The following KCNMB3 variants were observed in gnomAD, a reference collection of about 807,000 sequenced individuals.
The protein encoded by KCNMB3 is calcium-activated potassium channel subunit beta-3.
Under a neutral mutation model 11.9 loss-of-function variants are expected in KCNMB3, and 18 were observed. The ratio of observed to expected loss-of-function variants is 1.51; its 90% CI spans 1.04 to 2.23. The LOEUF is 2.23. KCNMB3 is among the 30% of genes most tolerant of loss of function. The probability of loss-of-function intolerance (pLI) is 0.00; values close to 1 mark genes in which losing one functional copy is unlikely to be tolerated. For synonymous variants in KCNMB3, 78 were observed against 119.2 expected, an observed-to-expected ratio of 0.65 and a Z score of 2.25; for missense variants, 247 against 329.4, an observed-to-expected ratio of 0.75 and a Z score of 1.94.
chr3:179,250,714 ACT>A (rs1387555829), intron 1 of KCNMB3, 27 bp downstream of exon 1: 1 of 1,609,870 alleles, frequency 6.2e-7, no homozygotes, highest in African/African-American at 1.3e-5. Flanking sequence ...TGAATTGGAA[ACT>A]CTAGATTTCC....
chr3:179,259,914 T>C (rs559983526), intron 1 of KCNMB3: 445 of 1,613,572 alleles, frequency 2.8e-4, no homozygotes, highest in Middle Eastern at 1.5e-3. Context: ...TGGTTTCTCA[T>C]CCCTTAATCC....
rs987403370 is a variant in KCNMB3 at position 179,266,565 on chromosome 3, C to T, written c.62+84G>A. 7.2e-6 allele frequency: 11 copies of T among 1,526,894 alleles called. No homozygotes were observed. In the African/African-American group the frequency reaches 1.1e-4, roughly 15 times the overall value. 94.6% of individuals were successfully genotyped at this position (1,526,894 alleles called of 1,614,324 possible). ...TCAGAGAAAAAGGAAACACTCACTC[C>T]CCAAGCTCGAGATGTCCCCTCTTCT... On this transcript the variant is annotated intron_variant, in intron 1 of 3. Coordinates refer to the KCNMB3 transcript ENST00000349697.
Position 179,250,808 on chromosome 3 carries a change from C to T in KCNMB3, c.183G>A (p.Met61Ile). ...EDRAVMLGFA[M>I]MGFSVLMFFL... ...AGAACATTAGGACTGAGAAGCCCAT[C>T]ATGGCAAACCCCAGCATCACGGCTC... The change falls in exon 1 of 3, where the codon ATG becomes ATA. Residue 61 changes from methionine to isoleucine, a missense_variant. By Grantham distance (10) the Met-to-Ile change is conservative. This residue lies in a region of KCNMB3 where 160 missense variants were observed against 157.5 expected (regional missense o/e 1.02). Transcript: ENST00000392685. The T allele has an allele frequency of 1.9e-6, 3 of 1,614,198 alleles. No homozygotes were observed. The highest frequency in any genetic ancestry group is 1.3e-5 in the African/African-American group (1 of 75,046).
At chr3:179,266,785 A>G in exon 1 of KCNMB3, 1 of 1,582,540 alleles carries the variant, frequency 6.3e-7, no homozygotes, top group South Asian at 1.1e-5. Context: ...GGTGAAGCTT[A>G]GACATCCACG....
At chr3:179,250,647 C>T in intron 1 of KCNMB3, 96 bp downstream of exon 1, 1 of 1,241,522 alleles carries the variant, frequency 8.1e-7, no homozygotes, top group African/African-American at 1.5e-5. Flanking sequence ...CAGAGAGTCA[C>T]AGATTGAGAA....
Position 179,244,665 on chromosome 3 carries a change from C to T in KCNMB3, c.277G>A (p.Ala93Thr), listed in dbSNP as rs755793149. 1 of 1,613,344 alleles carries T rather than the reference C, an allele frequency of 6.2e-7. No homozygotes were observed. Among genetic ancestry groups the T allele is most frequent in the Middle Eastern group, 1.7e-4 (1 of 6,048 alleles). Residue 93 changes from alanine to threonine, a missense_variant, in exon 2 of 3, where the codon GCC becomes ACC. Physicochemically the swap from Ala to Thr is moderately conservative, Grantham distance 58. Transcript: ENST00000392685. ...SIQREESTCT[A>T]IHTDIMDDWL... Reference sequence around the variant, plus strand: ...TCGTCCATGATATCTGTGTGGATGGCAGTGCAGGTCGATTCTTCTCTCTGA... The same window carrying T: ...TCGTCCATGATATCTGTGTGGATGGTAGTGCAGGTCGATTCTTCTCTCTGA...
downstream of KCNMB3, chr3:179,241,809 T>G (rs1048296437): frequency 6.5e-6 from 1 of 154,158 alleles, no homozygotes; most frequent in Non-Finnish European, 1.5e-5. Flanking sequence ...ATAATTGCGG[T>G]TTTTCGCCAT....
At chr3:179,259,237 C>G (rs1416759843) in intron 1 of KCNMB3, 7 of 1,536,910 alleles carry the variant, frequency 4.6e-6, no homozygotes, top group Non-Finnish European at 5.2e-6. Context: ...TCACTAATGT[C>G]CTGTGAGGGA....
chr3:179,257,379 T>A (rs1310882996), intron 1 of KCNMB3, among the ~76,000 whole-genome samples: 1 of 152,242 alleles, frequency 6.6e-6, no homozygotes, highest in Non-Finnish European at 1.5e-5. Context: ...TGAATCTACA[T>A]AATTTCATAA....
Position 179,243,212 on chromosome 3 carries a change from A to C in KCNMB3, c.520T>G (p.Phe174Val). The change falls in exon 3 of 3, where the codon TTC becomes GTC. Residue 174 changes from phenylalanine to valine, a missense_variant. By Grantham distance (50) the Phe-to-Val change is conservative. This residue lies in a region of KCNMB3 where 87 missense variants were observed against 171.9 expected (regional missense o/e 0.51). Coordinates refer to ENST00000392685, the MANE Select transcript of KCNMB3 (RefSeq NM_171830.2). ...AAGGGGGTTCCATTTTTGTGATCGAAGAATTCTTTTATGTCCAGAGCACTG... is the reference window on the plus strand; with the variant it reads ...AAGGGGGTTCCATTTTTGTGATCGACGAATTCTTTTATGTCCAGAGCACTG... ...LNSALDIKEF[F>V]DHKNGTPFSC... 3 of 1,384,250 alleles carry C rather than the reference A, an allele frequency of 2.2e-6. No homozygotes were observed. Among genetic ancestry groups the C allele is most frequent in the Non-Finnish European group, 2.0e-6 (2 of 989,338 alleles). 85.7% of individuals were successfully genotyped at this position (1,384,250 alleles called of 1,614,324 possible). A position where few individuals can be genotyped will look rare whatever the true frequency, so the allele number is the denominator to read the frequency against.
intron 1 of KCNMB3, among the ~76,000 whole-genome samples, chr3:179,263,172 G>A (rs535072157): frequency 3.9e-4 from 60 of 152,342 alleles, no homozygotes; most frequent in African/African-American, 1.2e-3. Context: ...CAGGTATGGC[G>A]GGCTGCAGGT....
upstream of KCNMB3, among the ~76,000 whole-genome samples, chr3:179,255,276 C>A (rs374225912): frequency 2.0e-5 from 3 of 150,874 alleles, no homozygotes; most frequent in African/African-American, 7.3e-5. Context: ...ATGAGATCCA[C>A]GAAAAATTTC....
chr3:179,261,207 C>A, intron 1 of KCNMB3: 1 of 1,362,492 alleles, frequency 7.3e-7, no homozygotes, highest in Non-Finnish European at 9.8e-7. Flanking sequence ...CGGGCCTCCG[C>A]CAGCCTCTGC....
At chr3:179,248,124 AG>A (rs1269865066) in intron 1 of KCNMB3, among the ~76,000 whole-genome samples, 2 of 152,050 alleles carry the variant, frequency 1.3e-5, no homozygotes, top group African/African-American at 4.8e-5. Flanking sequence ...AACATCATTT[AG>A]GTATTAAGAA....
chr3:179,255,718 G>A (rs1371119230), upstream of KCNMB3, among the ~76,000 whole-genome samples: 1 of 152,114 alleles, frequency 6.6e-6, no homozygotes, highest in African/African-American at 2.4e-5. Flanking sequence ...GACTCCAGAA[G>A]CCCATGGAAT....
chr3:179,258,639 A>G (rs1726100798), intron 1 of KCNMB3, among the ~76,000 whole-genome samples: 1 of 152,242 alleles, frequency 6.6e-6, no homozygotes, highest in Non-Finnish European at 1.5e-5. Context: ...TAAGAATGCT[A>G]TTTGGTCATT....
chr3:179,253,880 A>G (rs1725929279), upstream of KCNMB3, among the ~76,000 whole-genome samples: 1 of 152,210 alleles, frequency 6.6e-6, no homozygotes, highest in Non-Finnish European at 1.5e-5. Flanking sequence ...TTATTGTAAA[A>G]GTAACAGGCT....
chr3:179,260,816 T>C, intron 1 of KCNMB3: 1 of 1,298,748 alleles, frequency 7.7e-7, no homozygotes, highest in Non-Finnish European at 1.1e-6. Flanking sequence ...CTGCCGCCTA[T>C]ATTCAGCCAG....
At chr3:179,239,905 T>C, downstream of KCNMB3, 1 of 773,956 alleles carries the variant, frequency 1.3e-6, no homozygotes, top group Non-Finnish European at 2.1e-6. Context: ...TGTTACTATA[T>C]TGAGAATATA....
Sources: gnomAD v4.1 joint callset for allele counts (sites outside exome capture counted in the v4.1 genomes callset) on GRCh38, gnomAD v4.1.1 for gene constraint, gnomAD v4.1.1 regional missense constraint, MANE v1.5 for transcripts, NCBI Gene and HGNC (gene_info 2026-07-23, HGNC 2026-07-21) for gene names.